Variants in GALNT2 observed in about 807,000 individuals in gnomAD.
GALNT2 encodes UDP-GalNAc:polypeptide N-acetylgalactosaminyltransferase 2.
A neutral mutation model predicts 81.4 loss-of-function variants in GALNT2; 31 were observed. That is an observed-to-expected ratio of 0.38 (90% confidence interval 0.29 to 0.51). The LOEUF is 0.51. GALNT2 is among the 20% of genes least tolerant of loss of function. The pLI, the probability that GALNT2 is intolerant of heterozygous loss-of-function variation, is 0.87. For synonymous variants in GALNT2, 303 were observed against 287.4 expected (o/e 1.05, Z -0.55); for missense variants, 629 against 765.7 (o/e 0.82, Z 2.11).
At chr1:230,223,877 GTCC>G (rs1664628765) in intron 3 of GALNT2, among the ~76,000 whole-genome samples, 1 of 152,180 alleles carries the variant, frequency 6.6e-6, no homozygotes, top group African/African-American at 2.4e-5. Context: ...CTTTTCTCCT[GTCC>G]ACTTGGGACA....
intron 3 of GALNT2, among the ~76,000 whole-genome samples, chr1:230,203,905 A>G (rs1487293433): frequency 6.6e-6 from 1 of 152,140 alleles, no homozygotes; most frequent in Admixed American, 6.5e-5. Context: ...GCTCACTGTA[A>G]CCTCAAACTC....
chr1:230,121,000 T>C (rs911255284), intron 1 of GALNT2, among the ~76,000 whole-genome samples: 1 of 152,248 alleles, frequency 6.6e-6, no homozygotes, highest in Non-Finnish European at 1.5e-5. Flanking sequence ...TCCGGATTTA[T>C]TGAAAACATG....
At chr1:230,072,222 A>G (rs1306673127) in intron 1 of GALNT2, among the ~76,000 whole-genome samples, 1 of 152,044 alleles carries the variant, frequency 6.6e-6, no homozygotes, top group African/African-American at 2.4e-5. Flanking sequence ...GCTACTGCTC[A>G]TGTTTCTTAG....
chr1:230,089,084 C>T (rs1041297516), intron 1 of GALNT2, among the ~76,000 whole-genome samples: 1 of 152,090 alleles, frequency 6.6e-6, no homozygotes, highest in African/African-American at 2.4e-5. Context: ...CAACTTTCCC[C>T]CCCGACAGTT....
In GALNT2 at chr1:230,112,784, G is replaced by T. The variant is rs77823490; in HGVS notation, c.126+45378G>T. On this transcript the variant is annotated intron_variant, in intron 1 of 15. Coordinates refer to ENST00000366672, the MANE Select transcript of GALNT2 (RefSeq NM_004481.5). ...TGGCCCAGGGGGTAGGTGGCACAGT[G>T]TGTGTGGCAGGGGGGTGGGGGGGAC... Among the ~76,000 whole-genome samples the T allele has an allele frequency of 4.1e-4, 56 of 137,188 alleles. 1 individual carries two copies. The East Asian group carries it at 0.012, about 28-fold the overall frequency. 90.0% of individuals were successfully genotyped at this position (137,188 alleles called of 152,430 possible). A position where few individuals can be genotyped will look rare whatever the true frequency, so the allele number is the denominator to read the frequency against.
chr1:230,064,712 A>G (rs1194088930), upstream of GALNT2, among the ~76,000 whole-genome samples: 1 of 152,092 alleles, frequency 6.6e-6, no homozygotes. Flanking sequence ...GGGTTTCACC[A>G]CTTTGGCCAG....
intron 3 of GALNT2, among the ~76,000 whole-genome samples, chr1:230,231,964 A>G (rs1034884357): frequency 6.6e-6 from 1 of 152,114 alleles, no homozygotes; most frequent in African/African-American, 2.4e-5. Flanking sequence ...TGCAGTTTCT[A>G]CTCGATTCCC....
chr1:230,205,487 T>C (rs1052749361), intron 3 of GALNT2, among the ~76,000 whole-genome samples: 2 of 152,196 alleles, frequency 1.3e-5, no homozygotes, highest in African/African-American at 2.4e-5. Flanking sequence ...CTTTGATTAA[T>C]GTTTCCTGTC....
chr1:230,274,305 T>C, intron 14 of GALNT2, 140 bp from the exon 15 acceptor site: 2 of 1,149,104 alleles, frequency 1.7e-6, no homozygotes, highest in African/African-American at 1.6e-5. Flanking sequence ...AGTAATTGTT[T>C]CGTTCTCAGT....
chr1:230,151,777 A>AAAG (rs10530179), intron 1 of GALNT2, among the ~76,000 whole-genome samples: 118,896 of 151,870 alleles, frequency 0.78, 47,101 homozygotes, highest in African/African-American at 0.81. Flanking sequence ...TGCAAAGTGA[A>AAAG]AAGTTTATTA....
intron 3 of GALNT2, among the ~76,000 whole-genome samples, chr1:230,204,894 CA>C (rs1664013521): frequency 6.6e-6 from 1 of 152,170 alleles, no homozygotes; most frequent in Non-Finnish European, 1.5e-5. Context: ...GTGGCAGGTG[CA>C]CCAGGAAGTG....
intron 3 of GALNT2, among the ~76,000 whole-genome samples, chr1:230,222,254 C>T (rs1357511164): frequency 2.6e-5 from 4 of 151,984 alleles, no homozygotes; most frequent in African/African-American, 9.7e-5. Flanking sequence ...TCTCGATCTC[C>T]TGACCTCGTG....
chr1:230,161,390 C>T (rs2281721), intron 1 of GALNT2, among the ~76,000 whole-genome samples: 69,144 of 152,194 alleles, frequency 0.45, 18,875 homozygotes, highest in Non-Finnish European at 0.61. Context: ...CTCCTTGCCT[C>T]GTGGTTGCTG....
At chr1:230,231,177 C>T (rs576259707) in intron 3 of GALNT2, among the ~76,000 whole-genome samples, 1 of 152,324 alleles carries the variant, frequency 6.6e-6, no homozygotes, top group South Asian at 2.1e-4. Context: ...CTCCCAGTCA[C>T]CATTGACACA....
chr1:230,225,348 T>C (rs925705342), intron 3 of GALNT2, among the ~76,000 whole-genome samples: 3 of 152,176 alleles, frequency 2.0e-5, no homozygotes, highest in Non-Finnish European at 2.9e-5. Context: ...AACATCTTGT[T>C]TGGGATGGGC....
At chr1:230,061,905 T>C (rs1312941417) in intron 1 of GALNT2, among the ~76,000 whole-genome samples, 1 of 152,246 alleles carries the variant, frequency 6.6e-6, no homozygotes, top group African/African-American at 2.4e-5. Context: ...CACTTACATG[T>C]ATGTTTTCTT....
At chr1:230,164,786 T>C (rs1222355807) in intron 1 of GALNT2, among the ~76,000 whole-genome samples, 2 of 152,150 alleles carry the variant, frequency 1.3e-5, no homozygotes, top group African/African-American at 4.8e-5. Flanking sequence ...TGCCTAGGCC[T>C]ACCAAAGTGC....
chr1:230,096,481 G>A (rs904636105), intron 1 of GALNT2, among the ~76,000 whole-genome samples: 5 of 151,954 alleles, frequency 3.3e-5, no homozygotes, highest in East Asian at 1.9e-4. Flanking sequence ...CTCCCCTCCC[G>A]CCTTCCTTCC....
At chr1:230,262,690 C>G (rs1665914228) in intron 12 of GALNT2, 25 bp downstream of exon 12, 3 of 973,342 alleles carry the variant, frequency 3.1e-6, no homozygotes, top group Non-Finnish European at 3.3e-6. Context: ...TGCCTTCTCA[C>G]AATTACTGGG....
Sources: gnomAD v4.1 joint callset for allele counts (sites outside exome capture counted in the v4.1 genomes callset) on GRCh38, gnomAD v4.1.1 for gene constraint, MANE v1.5 for transcripts, NCBI Gene and HGNC (gene_info 2026-07-23, HGNC 2026-07-21) for gene names.